ANK2: variants seen among roughly 807,000 people sequenced by gnomAD.
ANK2 encodes ankyrin 2, also known as ankyrin-2.
In ANK2, 83 loss-of-function variants were observed where a neutral mutation model predicts 360.5. The observed-to-expected ratio is 0.23, with a 90% CI of 0.19 to 0.28. The LOEUF is 0.28. Among genes scored for constraint, ANK2 ranks in the 10% least tolerant of loss-of-function variants. ANK2 has a pLI of 1.00. For synonymous variants in ANK2, 1,740 were observed against 1,759.5 expected, an observed-to-expected ratio of 0.99 and a Z score of 0.28; for missense variants, 4,201 against 4,795.7, an observed-to-expected ratio of 0.88 and a Z score of 3.66.
At chr4:113,033,706 T>C (rs2060942484) in intron 2 of ANK2, 1 of 151,970 alleles carries the variant, frequency 6.6e-6, no homozygotes, top group Admixed American at 6.6e-5. Flanking sequence ...ATCCCATCCA[T>C]GTATGCAACT....
intron 13 of ANK2, among the ~76,000 whole-genome samples, chr4:113,258,726 G>C (rs1441967519): frequency 6.6e-6 from 1 of 152,208 alleles, no homozygotes; most frequent in Non-Finnish European, 1.5e-5. Flanking sequence ...TCCTCTGCAA[G>C]TGAATGGATA....
intron 17 of ANK2, among the ~76,000 whole-genome samples, chr4:113,281,034 G>A (rs1217597140): frequency 6.6e-6 from 1 of 152,132 alleles, no homozygotes; most frequent in East Asian, 1.9e-4. Context: ...CTTCCAAGCT[G>A]AATTTCCTTC....
chr4:113,062,295 C>T (rs977758320), intron 1 of ANK2, among the ~76,000 whole-genome samples: 7 of 151,962 alleles, frequency 4.6e-5, no homozygotes, highest in Admixed American at 1.3e-4. Context: ...ATGATATGGC[C>T]TAATCTATAA....
At chr4:112,759,157 A>T in the ANK2 span, among the ~76,000 whole-genome samples, 1 of 152,028 alleles carries the variant, frequency 6.6e-6, no homozygotes, top group Non-Finnish European at 1.5e-5. Context: ...TTTTTAAGAG[A>T]CAGGGTCTCG....
At chr4:112,996,075 A>G (rs1328170301) in intron 2 of ANK2, among the ~76,000 whole-genome samples, 2 of 152,234 alleles carry the variant, frequency 1.3e-5, no homozygotes, top group African/African-American at 4.8e-5. Context: ...AAACAACCCA[A>G]ATGTCTATCA....
intron 2 of ANK2, among the ~76,000 whole-genome samples, chr4:113,008,277 T>C (rs1440436266): frequency 6.6e-6 from 1 of 152,188 alleles, no homozygotes; most frequent in Admixed American, 6.6e-5. Flanking sequence ...GAGTGGAGTT[T>C]ATTGTACATA....
At chr4:113,011,195 A>T (rs962934425) in intron 2 of ANK2, among the ~76,000 whole-genome samples, 2 of 152,116 alleles carry the variant, frequency 1.3e-5, no homozygotes, top group Admixed American at 6.6e-5. Context: ...ATTTTTATAC[A>T]TCTATGCTGT....
Position 113,354,213 on chromosome 4 carries a change from A to T in ANK2, c.5595A>T (p.Arg1865Ser), listed in dbSNP as rs1368500978. Residue 1865 changes from arginine to serine, a missense_variant, in exon 38 of 46, where the codon AGA (arginine) becomes AGT (serine). Physicochemically the swap from Arg to Ser is moderately radical, Grantham distance 110. Around this residue, in one of 4 missense-constraint regions of ANK2, gnomAD observed 2,642 missense variants for 2,714.5 expected, o/e 0.97. Transcript: ENST00000357077. ...SPVSPSAKTE[R>S]HSPASSSSKT... Reference sequence around the variant, plus strand: ...TGTCACCCTCTGCAAAAACGGAAAGACATTCACCTGCGTCATCATCGAGTA... The same window carrying T: ...TGTCACCCTCTGCAAAAACGGAAAGTCATTCACCTGCGTCATCATCGAGTA... 2 of 1,613,902 alleles carry T rather than the reference A, an allele frequency of 1.2e-6. No individual in the cohort carries two copies.
chr4:113,345,604 GTTAA>G (rs1421973796), intron 34 of ANK2, among the ~76,000 whole-genome samples: 39 of 152,092 alleles, frequency 2.6e-4, no homozygotes, highest in African/African-American at 2.4e-5. Context: ...TGATTGATAT[GTTAA>G]TTAATTTGAT....
chr4:113,149,047 A>C (rs1435024026), intron 1 of ANK2: 1 of 152,220 alleles, frequency 6.6e-6, no homozygotes, highest in Non-Finnish European at 1.5e-5. Context: ...CTTTCTCCCC[A>C]TCTCTTCCTC....
At chr4:113,167,527 G>C (rs2097789281) in intron 1 of ANK2, among the ~76,000 whole-genome samples, 1 of 152,000 alleles carries the variant, frequency 6.6e-6, no homozygotes, top group South Asian at 2.1e-4. Flanking sequence ...TCAAACTCCT[G>C]ATCTCAAGCA....
intron 2 of ANK2, among the ~76,000 whole-genome samples, chr4:113,028,931 C>G (rs150021575): frequency 5.3e-5 from 8 of 152,190 alleles, no homozygotes; most frequent in African/African-American, 1.9e-4. Context: ...GATTGAAGTA[C>G]TCAGTCAACT....
intron 2 of ANK2, among the ~76,000 whole-genome samples, chr4:112,976,198 AT>A (rs568340736): frequency 3.0e-3 from 434 of 144,108 alleles, no homozygotes; most frequent in African/African-American, 4.2e-3. Flanking sequence ...TGGCTGTGGA[AT>A]TTTTTTTTTT....
At chr4:112,742,128 A>G in the ANK2 span, among the ~76,000 whole-genome samples, 1 of 152,054 alleles carries the variant, frequency 6.6e-6, no homozygotes, top group Non-Finnish European at 1.5e-5. Flanking sequence ...AATTTTAAAA[A>G]AAAATTAGCT....
intron 20 of ANK2, among the ~76,000 whole-genome samples, chr4:113,292,143 C>T (rs548238238): frequency 3.9e-5 from 6 of 152,134 alleles, no homozygotes; most frequent in Non-Finnish European, 7.4e-5. Flanking sequence ...GGGAGCCCTC[C>T]TTTTTAATGC....
At chr4:112,740,605 G>A in the ANK2 span, among the ~76,000 whole-genome samples, 1 of 151,986 alleles carries the variant, frequency 6.6e-6, no homozygotes, top group African/African-American at 2.4e-5. Flanking sequence ...TCAGGAGGCT[G>A]AGGCAGGAGA....
intron 2 of ANK2, among the ~76,000 whole-genome samples, chr4:113,018,278 T>C (rs775098939): frequency 6.6e-6 from 1 of 152,216 alleles, no homozygotes; most frequent in Non-Finnish European, 1.5e-5. Flanking sequence ...AAATTAAGTC[T>C]ATCATGGAGT....
chr4:113,372,023 T>C (rs1255970567), intron 43 of ANK2, among the ~76,000 whole-genome samples: 1 of 152,214 alleles, frequency 6.6e-6, no homozygotes, highest in Non-Finnish European at 1.5e-5. Context: ...CTACCTTTTT[T>C]TGATGCCAGG....
chr4:113,003,319 A>G (rs949065223), intron 2 of ANK2, among the ~76,000 whole-genome samples: 1 of 152,212 alleles, frequency 6.6e-6, no homozygotes, highest in Non-Finnish European at 1.5e-5. Context: ...TCTATATCAC[A>G]TAAGTTTTTC....
Sources: gnomAD v4.1 joint callset for allele counts (sites outside exome capture counted in the v4.1 genomes callset) on GRCh38, gnomAD v4.1.1 for gene constraint, gnomAD v4.1.1 regional missense constraint, MANE v1.5 for transcripts, NCBI Gene and HGNC (gene_info 2026-07-23, HGNC 2026-07-21) for gene names.